RBFOX3: variants seen among roughly 807,000 people sequenced by gnomAD.
The protein encoded by RBFOX3 is RNA binding protein fox-1 homolog 3.
Under a neutral mutation model 48.7 loss-of-function variants are expected in RBFOX3, and 17 were observed. The observed-to-expected ratio is 0.35, with a 90% CI of 0.24 to 0.52. RBFOX3 has a LOEUF of 0.52. Among genes scored for constraint, RBFOX3 ranks in the 20% least tolerant of loss-of-function variants. The pLI, the probability that RBFOX3 is intolerant of heterozygous loss-of-function variation, is 0.94. For synonymous variants in RBFOX3, 212 were observed against 209.5 expected, an observed-to-expected ratio of 1.01 and a Z score of -0.10; for missense variants, 382 against 497.5, an observed-to-expected ratio of 0.77 and a Z score of 2.21.
intron 4 of RBFOX3, among the ~76,000 whole-genome samples, chr17:79,133,414 A>G (rs2039448252): frequency 6.6e-6 from 1 of 151,546 alleles, no homozygotes; most frequent in South Asian, 2.1e-4. Context: ...AGGTTTGCTG[A>G]GCACCTACTA....
chr17:79,468,256 G>A (rs2076572001), intron 2 of RBFOX3, among the ~76,000 whole-genome samples: 1 of 152,076 alleles, frequency 6.6e-6, no homozygotes, highest in African/African-American at 2.4e-5. Flanking sequence ...GACAGGGGAT[G>A]ACGCATGAAT....
chr17:79,148,087 G>A lies in RBFOX3; in HGVS notation c.-33-32339C>T, dbSNP rs184349671. On this transcript the variant is annotated intron_variant, in intron 4 of 14. Coordinates refer to ENST00000693108, the MANE Select transcript of RBFOX3 (RefSeq NM_001350451.2). The stretch of plus-strand genomic sequence containing the variant: ...AGATTTCCTCACCGTGGGACCCCAG[G>A]GTGCGTGCGGCCCTAAAGACCCAGA... 2.7e-3 allele frequency among the ~76,000 whole-genome samples: 409 copies of A among 152,344 alleles called. 3 individuals carry two copies. Among genetic ancestry groups the A allele is most frequent in the African/African-American group, 9.1e-3 (377 of 41,566 alleles).
intron 4 of RBFOX3, among the ~76,000 whole-genome samples, chr17:79,211,196 G>A (rs971639760): frequency 1.3e-5 from 2 of 152,246 alleles, no homozygotes; most frequent in African/African-American, 4.8e-5. Flanking sequence ...TTCCTGGCAG[G>A]CAGCACGGCC....
the RBFOX3 span, among the ~76,000 whole-genome samples, chr17:79,633,739 G>A: frequency 1.3e-5 from 2 of 152,176 alleles, no homozygotes; most frequent in Non-Finnish European, 2.9e-5. Context: ...AGGCATCGGA[G>A]GCTGCTCTCG....
intron 3 of RBFOX3, among the ~76,000 whole-genome samples, chr17:79,304,441 G>A (rs1403256296): frequency 3.4e-5 from 5 of 148,702 alleles, no homozygotes; most frequent in South Asian, 2.1e-4. Context: ...ATATATATGT[G>A]TATATATATA....
At chr17:79,533,388 G>A (rs1248237283) in intron 1 of RBFOX3, among the ~76,000 whole-genome samples, 1 of 152,250 alleles carries the variant, frequency 6.6e-6, no homozygotes, top group African/African-American at 2.4e-5. Context: ...GTCAGCGAGG[G>A]TGGCGATAAA....
Position 79,577,357 on chromosome 17 carries a change from C to T in RBFOX3, c.-320+33469G>A, listed in dbSNP as rs925146758. Among the ~76,000 whole-genome samples, 18 of 152,262 alleles carry T rather than the reference C, an allele frequency of 1.2e-4. No individual in the cohort carries two copies. The East Asian group carries it at 1.7e-3, about 15-fold the overall frequency. ...AATGGCACCCTCCATGGGGAAGCAA[C>T]GAGGCCCTGAAGATGGAAGAAAGTG... On this transcript the variant is annotated intron_variant, in intron 1 of 14. Transcript: ENST00000693108.
chr17:79,245,019 CCTT>C lies in RBFOX3; in HGVS notation c.-73-9217_-73-9215del, dbSNP rs1318534999. ...TCCCTTTTCTTTTCTTTCCCTCCTT[CCTT>C]CTTTCTTTCTCCCTCCCCTCCCCTT... On this transcript the variant is annotated intron_variant, in intron 3 of 14. Coordinates refer to ENST00000693108, the MANE Select transcript of RBFOX3 (RefSeq NM_001350451.2). Among the ~76,000 whole-genome samples the C allele has an allele frequency of 1.0e-4, 15 of 149,030 alleles. No individual in the cohort carries two copies. The East Asian group carries it at 3.0e-3, about 30-fold the overall frequency.
intron 2 of RBFOX3, among the ~76,000 whole-genome samples, chr17:79,466,973 T>A (rs1264467520): frequency 1.3e-5 from 2 of 152,158 alleles, no homozygotes; most frequent in African/African-American, 2.4e-5. Flanking sequence ...AATGGGGACA[T>A]CCCTGTCTGT....
chr17:79,211,265 G>C (rs1341409697), intron 4 of RBFOX3, among the ~76,000 whole-genome samples: 1 of 152,204 alleles, frequency 6.6e-6, no homozygotes, highest in African/African-American at 2.4e-5. Context: ...CACAAGCCCT[G>C]AATCAGGATG....
At chr17:79,106,451 C>T (rs1014381239) in intron 6 of RBFOX3, among the ~76,000 whole-genome samples, 200 bp downstream of exon 6, 13 of 151,804 alleles carry the variant, frequency 8.6e-5, no homozygotes, top group Non-Finnish European at 1.6e-4. Flanking sequence ...TCCTCTTCCC[C>T]GCCACCGTCC....
At chr17:79,656,039 G>A in the RBFOX3 span, among the ~76,000 whole-genome samples, 21,264 of 152,004 alleles carry the variant, frequency 0.14, 2,040 homozygotes, top group African/African-American at 0.27. Flanking sequence ...TGGGCTCCCC[G>A]TCCCTGCCTC....
intron 2 of RBFOX3, among the ~76,000 whole-genome samples, chr17:79,331,513 T>A (rs946435850): frequency 8.5e-5 from 13 of 152,184 alleles, no homozygotes; most frequent in African/African-American, 2.4e-4. Context: ...CTGCCCCCCC[T>A]GGACCCCTGG....
the RBFOX3 span, among the ~76,000 whole-genome samples, chr17:79,634,233 T>C: frequency 0.3 from 45,343 of 152,142 alleles, 7,946 homozygotes; most frequent in African/African-American, 0.48. Flanking sequence ...TGCAGATCCA[T>C]CTGCCCTTGG....
intron 2 of RBFOX3, among the ~76,000 whole-genome samples, chr17:79,468,541 TAGGCAGGC>T (rs749752448): frequency 6.6e-6 from 1 of 151,568 alleles, no homozygotes. Context: ...CGGTAGCAGA[TAGGCAGGC>T]AGGCAGGCAG....
chr17:79,593,297 G>A (rs954491509), intron 1 of RBFOX3, among the ~76,000 whole-genome samples: 156 of 147,476 alleles, frequency 1.1e-3, no homozygotes, highest in African/African-American at 3.8e-3. Context: ...TCTGGAGGGC[G>A]CGTCATGTGT....
chr17:79,295,416 G>A (rs2145093371), intron 3 of RBFOX3, among the ~76,000 whole-genome samples: 1 of 152,310 alleles, frequency 6.6e-6, no homozygotes, highest in South Asian at 2.1e-4. Flanking sequence ...CAAGGTGAGG[G>A]AGCGAGGGAG....
chr17:79,281,452 G>C (rs1416096287), intron 3 of RBFOX3, among the ~76,000 whole-genome samples: 1 of 151,792 alleles, frequency 6.6e-6, no homozygotes, highest in Non-Finnish European at 1.5e-5. Flanking sequence ...TTAGCTTAGA[G>C]AGGACTATCC....
At chr17:79,559,641 T>C (rs2092050367) in intron 1 of RBFOX3, among the ~76,000 whole-genome samples, 11 of 39,058 alleles carry the variant, frequency 2.8e-4, no homozygotes, top group East Asian at 9.6e-4. Context: ...GGATGGTGAA[T>C]AGTGGATGGG....
Sources: allele counts gnomAD v4.1 joint callset (sites outside exome capture counted in the v4.1 genomes callset), GRCh38; gene constraint gnomAD v4.1.1; transcripts MANE v1.5; gene names NCBI Gene and HGNC (gene_info 2026-07-23, HGNC 2026-07-21).